Variants in TMEM161B observed in about 807,000 individuals in gnomAD.
TMEM161B encodes the protein transmembrane protein 161B.
TMEM161B carries 34 observed loss-of-function variants against 61.8 expected under a neutral mutation model. The observed-to-expected ratio is 0.55, with a 90% CI of 0.42 to 0.73. The LOEUF is 0.73. Among genes scored for constraint, TMEM161B ranks in the 30% least tolerant of loss-of-function variants. The pLI is 0.00. For missense variants in TMEM161B, 456 were observed against 558.5 expected (o/e 0.82, Z 1.85); for synonymous variants, 167 against 192.8 (o/e 0.87, Z 1.11).
chr5:88,256,479 A>G (rs1347320248), intron 1 of TMEM161B, among the ~76,000 whole-genome samples: 1 of 152,270 alleles, frequency 6.6e-6, no homozygotes, highest in Admixed American at 6.5e-5. Context: ...GCCAAAATCA[A>G]TTAATGAAAA....
downstream of TMEM161B, among the ~76,000 whole-genome samples, chr5:88,188,328 C>G (rs1370964398): frequency 6.7e-6 from 1 of 150,310 alleles, no homozygotes; most frequent in Non-Finnish European, 1.5e-5. Context: ...GTTGGCCAGG[C>G]TGATTTCAAA....
chr5:88,240,332 C>T (rs1484450839), intron 2 of TMEM161B, among the ~76,000 whole-genome samples: 3 of 151,818 alleles, frequency 2.0e-5, no homozygotes. Flanking sequence ...TTTCTTCGAA[C>T]AATAGCAAAA....
intron 1 of TMEM161B, among the ~76,000 whole-genome samples, chr5:88,267,579 G>C (rs1159833874): frequency 2.0e-5 from 3 of 152,084 alleles, no homozygotes; most frequent in Non-Finnish European, 4.4e-5. Flanking sequence ...CTTGTATACG[G>C]TGAAGAAACT....
rs1348263848 is a variant in TMEM161B at position 88,202,893 on chromosome 5, A to C, written c.914+69T>G. 21 of 1,014,846 alleles carry C rather than the reference A, an allele frequency of 2.1e-5. No homozygotes were observed. The Middle Eastern group carries it at 6.4e-4, about 31-fold the overall frequency. 62.9% of individuals were successfully genotyped at this position (1,014,846 alleles called of 1,614,324 possible). A position where few individuals can be genotyped will look rare whatever the true frequency, so the allele number is the denominator to read the frequency against. On this transcript the variant is annotated intron_variant, in intron 9 of 11. Transcript: ENST00000296595. ...GTCCTGATTTTATCACTGAAAACGA[A>C]ATACAGTAAATAACATTTAGTAAAG...
intron 2 of TMEM161B, among the ~76,000 whole-genome samples, chr5:88,230,179 C>G (rs572744206): frequency 1.3e-5 from 2 of 151,862 alleles, no homozygotes; most frequent in African/African-American, 2.4e-5. Context: ...AAGTAAGACC[C>G]TATCTCAAAA....
At chr5:88,189,151 G>A (rs1017158325), downstream of TMEM161B, among the ~76,000 whole-genome samples, 1 of 152,078 alleles carries the variant, frequency 6.6e-6, no homozygotes, top group African/African-American at 2.4e-5. Context: ...CACTTCCTGG[G>A]CTGCATACCT....
intron 5 of TMEM161B, among the ~76,000 whole-genome samples, chr5:88,215,652 C>T (rs1030568120): frequency 6.6e-6 from 1 of 152,154 alleles, no homozygotes; most frequent in African/African-American, 2.4e-5. Flanking sequence ...CAGCGAGCTA[C>T]AGGATTCCTG....
At chr5:88,190,695 C>G (rs902225856), downstream of TMEM161B, among the ~76,000 whole-genome samples, 1 of 152,214 alleles carries the variant, frequency 6.6e-6, no homozygotes. Context: ...CTGCTTCTAA[C>G]TGCAAGATTT....
chr5:88,243,140 G>A (rs573410225), intron 1 of TMEM161B, among the ~76,000 whole-genome samples: 2 of 151,756 alleles, frequency 1.3e-5, no homozygotes, highest in East Asian at 3.9e-4. Context: ...TGTTATATAG[G>A]TAAATTGCAT....
chr5:88,249,379 T>C (rs113686776), intron 1 of TMEM161B, among the ~76,000 whole-genome samples: 8 of 152,290 alleles, frequency 5.3e-5, no homozygotes, highest in African/African-American at 1.7e-4. Flanking sequence ...ACAGTCATTT[T>C]TGAGCTTGCA....
intron 2 of TMEM161B, among the ~76,000 whole-genome samples, chr5:88,232,443 A>G (rs984922044): frequency 6.6e-6 from 1 of 152,280 alleles, no homozygotes; most frequent in Non-Finnish European, 1.5e-5. Context: ...ATGATCCAGA[A>G]TAACTCATGT....
At chr5:88,206,807 G>A (rs569950051) in intron 6 of TMEM161B, among the ~76,000 whole-genome samples, 8 of 151,930 alleles carry the variant, frequency 5.3e-5, no homozygotes, top group African/African-American at 1.7e-4. Flanking sequence ...GGAAAAAAAC[G>A]AGACAGTATT....
intron 4 of TMEM161B, among the ~76,000 whole-genome samples, chr5:88,224,147 G>A (rs77296172): frequency 0.058 from 8,758 of 152,152 alleles, 355 homozygotes; most frequent in South Asian, 0.15. Flanking sequence ...CACCTTATAT[G>A]ACATTATCAA....
intron 5 of TMEM161B, among the ~76,000 whole-genome samples, chr5:88,213,497 G>A (rs1747245115): frequency 6.6e-6 from 1 of 151,962 alleles, no homozygotes; most frequent in Admixed American, 6.6e-5. Flanking sequence ...AACCTAACCA[G>A]ACTGTGAAGA....
chr5:88,224,130 A>T (rs1264392643), intron 4 of TMEM161B, among the ~76,000 whole-genome samples: 2 of 152,366 alleles, frequency 1.3e-5, no homozygotes, highest in South Asian at 2.1e-4. Context: ...GTCAAATTAC[A>T]TAATGACACC....
intron 2 of TMEM161B, among the ~76,000 whole-genome samples, chr5:88,232,007 A>C (rs968264265): frequency 1.3e-5 from 2 of 151,922 alleles, no homozygotes; most frequent in African/African-American, 4.8e-5. Flanking sequence ...ATTTTTTTTT[A>C]GTTCTGTGTG....
At chr5:88,204,872 T>A (rs549563357) in intron 8 of TMEM161B, among the ~76,000 whole-genome samples, 1 of 150,990 alleles carries the variant, frequency 6.6e-6, no homozygotes, top group South Asian at 2.1e-4. Flanking sequence ...CAGTCAAAAT[T>A]AAATTAAAGG....
chr5:88,190,266 C>A (rs759870072), downstream of TMEM161B: 9 of 700,540 alleles, frequency 1.3e-5, no homozygotes, highest in East Asian at 2.1e-4. Flanking sequence ...ATTATGCTGT[C>A]GGCAGGTAAC....
At chr5:88,219,439 T>C (rs560014540) in intron 5 of TMEM161B, among the ~76,000 whole-genome samples, 35 of 151,928 alleles carry the variant, frequency 2.3e-4, no homozygotes, top group African/African-American at 8.4e-4. Flanking sequence ...GAGATGGAAA[T>C]AGAGAAAAGA....
Sources: allele counts gnomAD v4.1 joint callset (sites outside exome capture counted in the v4.1 genomes callset), GRCh38; gene constraint gnomAD v4.1.1; transcripts MANE v1.5; gene names NCBI Gene and HGNC (gene_info 2026-07-23, HGNC 2026-07-21).